CNTNAP2: variants seen among roughly 807,000 people sequenced by gnomAD.
CNTNAP2 encodes the protein contactin-associated protein-like 2.
In CNTNAP2, 98 loss-of-function variants were observed where a neutral mutation model predicts 155.2. The observed-to-expected ratio is 0.63, with a 90% CI of 0.54 to 0.75. The LOEUF (loss-of-function observed/expected upper bound fraction) is 0.75. Among genes scored for constraint, CNTNAP2 ranks in the 30% least tolerant of loss-of-function variants. The pLI, the probability that CNTNAP2 is intolerant of heterozygous loss-of-function variation, is 0.00. For synonymous variants in CNTNAP2, 651 were observed against 631.2 expected (o/e 1.03, Z -0.47); for missense variants, 1,727 against 1,688.1 (o/e 1.02, Z -0.40).
intron 21 of CNTNAP2, among the ~76,000 whole-genome samples, chr7:148,366,903 A>G (rs1450545846): frequency 1.3e-5 from 2 of 152,170 alleles, no homozygotes; most frequent in Admixed American, 1.3e-4. Context: ...ATAGCATGGC[A>G]AAACAATATT....
intron 13 of CNTNAP2, among the ~76,000 whole-genome samples, chr7:147,888,896 G>A (rs1270170760): frequency 8.6e-5 from 13 of 151,980 alleles, no homozygotes; most frequent in Non-Finnish European, 8.8e-5. Context: ...AGGGAACAAA[G>A]AAAATAGTAA....
chr7:146,521,802 C>T (rs1040872581), intron 1 of CNTNAP2, among the ~76,000 whole-genome samples: 13 of 151,956 alleles, frequency 8.6e-5, no homozygotes, highest in African/African-American at 3.1e-4. Flanking sequence ...AAGATCTGAA[C>T]CTTGATCATC....
chr7:146,520,676 A>C (rs2129137353), intron 1 of CNTNAP2, among the ~76,000 whole-genome samples: 1 of 151,994 alleles, frequency 6.6e-6, no homozygotes, highest in South Asian at 2.1e-4. Flanking sequence ...TTTTATAATG[A>C]AGTAGAAAGA....
intron 3 of CNTNAP2, among the ~76,000 whole-genome samples, chr7:146,848,829 G>C (rs946862197): frequency 6.6e-6 from 1 of 152,204 alleles, no homozygotes; most frequent in African/African-American, 2.4e-5. Flanking sequence ...CTTGAGTGCA[G>C]TAGAGCGATT....
chr7:148,288,219 C>G (rs1474831544), intron 21 of CNTNAP2, among the ~76,000 whole-genome samples: 3 of 151,922 alleles, frequency 2.0e-5, no homozygotes, highest in Non-Finnish European at 2.9e-5. Flanking sequence ...CCTGCCTCAG[C>G]CTCCCAAGTA....
intron 3 of CNTNAP2, among the ~76,000 whole-genome samples, chr7:147,032,178 C>G (rs1484904194): frequency 1.3e-5 from 2 of 152,166 alleles, no homozygotes; most frequent in Non-Finnish European, 2.9e-5. Flanking sequence ...ACGTATTGCT[C>G]CCTGAACAGT....
chr7:146,383,875 T>C (rs888318798), intron 1 of CNTNAP2, among the ~76,000 whole-genome samples: 1 of 152,178 alleles, frequency 6.6e-6, no homozygotes, highest in Non-Finnish European at 1.5e-5. Context: ...ATCTCTGGCT[T>C]TTTTATGTGT....
chr7:147,630,539 A>G (rs957131259), intron 12 of CNTNAP2, among the ~76,000 whole-genome samples: 2 of 152,270 alleles, frequency 1.3e-5, no homozygotes, highest in East Asian at 3.9e-4. Flanking sequence ...ACTACAGACC[A>G]ATACTGCTGA....
At chr7:146,318,303 T>C (rs1427885461) in intron 1 of CNTNAP2, among the ~76,000 whole-genome samples, 2 of 152,138 alleles carry the variant, frequency 1.3e-5, no homozygotes, top group Non-Finnish European at 2.9e-5. Context: ...GTGTTGAGAA[T>C]TCTACTAAAG....
At chr7:146,279,657 A>T (rs1024711449) in intron 1 of CNTNAP2, among the ~76,000 whole-genome samples, 2 of 152,094 alleles carry the variant, frequency 1.3e-5, no homozygotes, top group African/African-American at 4.8e-5. Context: ...TAAAAATAAT[A>T]AGTATAATTT....
chr7:146,802,824 T>C (rs1802904119), intron 2 of CNTNAP2, among the ~76,000 whole-genome samples: 1 of 152,170 alleles, frequency 6.6e-6, no homozygotes, highest in African/African-American at 2.4e-5. Flanking sequence ...ATACTTTCTC[T>C]ATCATAAGGT....
At chr7:146,748,347 G>C (rs958085935) in intron 1 of CNTNAP2, among the ~76,000 whole-genome samples, 5 of 151,762 alleles carry the variant, frequency 3.3e-5, no homozygotes, top group Admixed American at 6.6e-5. Flanking sequence ...GGGTTTCACC[G>C]TGTTAGCCAG....
chr7:147,742,531 A>G (rs1373469300), intron 13 of CNTNAP2, among the ~76,000 whole-genome samples: 1 of 152,202 alleles, frequency 6.6e-6, no homozygotes, highest in African/African-American at 2.4e-5. Flanking sequence ...CAAAGAAGGC[A>G]TATCTTTCTT....
At chr7:148,275,384 C>T (rs1796854059) in intron 21 of CNTNAP2, among the ~76,000 whole-genome samples, 1 of 152,098 alleles carries the variant, frequency 6.6e-6, no homozygotes, top group Non-Finnish European at 1.5e-5. Context: ...GAAGCTGGGA[C>T]CCTAATGAAG....
At chr7:148,363,762 T>C (rs949517487) in intron 21 of CNTNAP2, among the ~76,000 whole-genome samples, 1 of 152,164 alleles carries the variant, frequency 6.6e-6, no homozygotes, top group Non-Finnish European at 1.5e-5. Context: ...TGGGAGCCCC[T>C]TTCTGGGCTG....
chr7:147,435,336 G>A (rs1023118415), intron 10 of CNTNAP2, among the ~76,000 whole-genome samples: 1 of 152,154 alleles, frequency 6.6e-6, no homozygotes, highest in Non-Finnish European at 1.5e-5. Context: ...ATTCACCTTA[G>A]ACCGGTGATT....
At chr7:146,171,027 A>AAAATAAATAAAT (rs34457672) in intron 1 of CNTNAP2, among the ~76,000 whole-genome samples, 125 of 151,830 alleles carry the variant, frequency 8.2e-4, no homozygotes, top group African/African-American at 2.9e-3. Flanking sequence ...ACTCCGTCTA[A>AAAATAAATAAAT]AAATAAATAA....
intron 14 of CNTNAP2, among the ~76,000 whole-genome samples, chr7:147,920,655 C>T (rs1037482762): frequency 2.6e-5 from 4 of 152,132 alleles, no homozygotes; most frequent in African/African-American, 9.7e-5. Flanking sequence ...TGCTATATAT[C>T]AGGCACAGTC....
intron 1 of CNTNAP2, among the ~76,000 whole-genome samples, chr7:146,766,148 G>C (rs1006378478): frequency 2.0e-5 from 3 of 152,102 alleles, no homozygotes; most frequent in Non-Finnish European, 4.4e-5. Flanking sequence ...ATTGTAAGGA[G>C]ATAAAGATCG....
Sources: allele counts gnomAD v4.1 joint callset (sites outside exome capture counted in the v4.1 genomes callset), GRCh38; gene constraint gnomAD v4.1.1; transcripts MANE v1.5; gene names NCBI Gene and HGNC (gene_info 2026-07-23, HGNC 2026-07-21).